The following NTM variants were observed in gnomAD, a reference collection of about 807,000 sequenced individuals.
The protein encoded by NTM is IgLON family member 2.
A neutral mutation model predicts 42.1 loss-of-function variants in NTM; 13 were observed. The ratio of observed to expected loss-of-function variants is 0.31; its 90% CI spans 0.20 to 0.49. The LOEUF is 0.49. NTM is among the 20% of genes least tolerant of loss of function. The pLI is 0.99. For missense variants in NTM, 373 were observed against 452.8 expected (o/e 0.82, Z 1.60); for synonymous variants, 187 against 179.2 (o/e 1.04, Z -0.35).
At chr11:131,747,839 C>T (rs758872943) in intron 1 of NTM, among the ~76,000 whole-genome samples, 3 of 152,180 alleles carry the variant, frequency 2.0e-5, no homozygotes, top group Non-Finnish European at 4.4e-5. Context: ...ATCCCCTCCC[C>T]GTGTTCCTTA....
At chr11:131,573,297 C>T (rs2057628104) in intron 1 of NTM, among the ~76,000 whole-genome samples, 1 of 142,570 alleles carries the variant, frequency 7.0e-6, no homozygotes, top group Non-Finnish European at 1.5e-5. Context: ...TGTCCCTAAG[C>T]CACAGTTTGC....
At chr11:132,116,286 A>T (rs2063880910) in intron 2 of NTM, among the ~76,000 whole-genome samples, 1 of 152,196 alleles carries the variant, frequency 6.6e-6, no homozygotes, top group Non-Finnish European at 1.5e-5. Flanking sequence ...GGGCCAGGCC[A>T]ATCCAGCAAG....
At chr11:132,325,398 C>CA (rs1432015755) in intron 7 of NTM, among the ~76,000 whole-genome samples, 1 of 152,092 alleles carries the variant, frequency 6.6e-6, no homozygotes, top group Non-Finnish European at 1.5e-5. Flanking sequence ...TTTATGCAGC[C>CA]AAAAAACACA....
intron 4 of NTM, among the ~76,000 whole-genome samples, chr11:132,306,655 T>C (rs543758579): frequency 4.7e-4 from 72 of 152,336 alleles, no homozygotes; most frequent in African/African-American, 1.7e-3. Flanking sequence ...ATGCCTGTTG[T>C]CTGCTAATAA....
At chr11:131,603,944 C>T (rs1020371312) in intron 1 of NTM, among the ~76,000 whole-genome samples, 3 of 151,912 alleles carry the variant, frequency 2.0e-5, no homozygotes, top group African/African-American at 7.3e-5. Flanking sequence ...ATTTAATAGA[C>T]ATGTGGATTG....
At chr11:131,638,333 G>A (rs1344197940) in intron 1 of NTM, among the ~76,000 whole-genome samples, 8 of 152,006 alleles carry the variant, frequency 5.3e-5, no homozygotes, top group African/African-American at 1.2e-4. Context: ...TTGGGAGGCC[G>A]AGACGGGCAG....
intron 7 of NTM, among the ~76,000 whole-genome samples, chr11:132,315,465 C>T (rs539902173): frequency 9.9e-5 from 15 of 152,262 alleles, no homozygotes; most frequent in African/African-American, 3.4e-4. Context: ...GATTAAATTC[C>T]GGTTGTGTTT....
At chr11:132,115,222 C>T (rs948898667) in intron 2 of NTM, among the ~76,000 whole-genome samples, 3 of 152,004 alleles carry the variant, frequency 2.0e-5, no homozygotes, top group Non-Finnish European at 4.4e-5. Context: ...GGAGATCTAA[C>T]GAACAGCTTG....
At chr11:132,112,855 A>G (rs2063406613) in intron 2 of NTM, among the ~76,000 whole-genome samples, 1 of 151,546 alleles carries the variant, frequency 6.6e-6, no homozygotes, top group African/African-American at 2.4e-5. Context: ...AACAACACCA[A>G]CTCTGTTTTC....
intron 3 of NTM, among the ~76,000 whole-genome samples, chr11:132,158,967 G>T (rs969711313): frequency 1.3e-5 from 2 of 152,218 alleles, no homozygotes; most frequent in Non-Finnish European, 2.9e-5. Context: ...GAGAGGGCCA[G>T]ATCTCTGCCA....
In NTM at chr11:131,385,665, C is replaced by T. The variant is rs1297458231; in HGVS notation, c.82+14777C>T. Among the ~76,000 whole-genome samples, 4 of 151,994 alleles carry T rather than the reference C, an allele frequency of 2.6e-5. No individual in the cohort carries two copies. The East Asian group carries it at 7.7e-4, about 29-fold the overall frequency. ...CCCAAGAGTTCATGACCAGCCTGGG[C>T]AATACAGAAAAATCTCATCTCTACA... is the stretch of plus-strand genomic sequence containing the variant. On this transcript the variant is annotated intron_variant, in intron 1 of 8. Coordinates refer to ENST00000683400, the MANE Select transcript of NTM (RefSeq NM_001352005.2).
intron 1 of NTM, among the ~76,000 whole-genome samples, chr11:131,800,758 C>G (rs1477325884): frequency 6.6e-6 from 1 of 152,186 alleles, no homozygotes; most frequent in Non-Finnish European, 1.5e-5. Flanking sequence ...GCACATCAAA[C>G]AGCAATTTTC....
intron 2 of NTM, among the ~76,000 whole-genome samples, chr11:131,987,794 A>C (rs561845919): frequency 6.6e-6 from 1 of 152,364 alleles, no homozygotes; most frequent in African/African-American, 2.4e-5. Context: ...GGCTTTCTTC[A>C]TTTGAACAGT....
At chr11:132,316,506 C>T (rs981160883) in intron 7 of NTM, among the ~76,000 whole-genome samples, 6 of 152,144 alleles carry the variant, frequency 3.9e-5, no homozygotes, top group South Asian at 2.1e-4. Flanking sequence ...AGTATGTATT[C>T]AAATATGTTT....
intron 1 of NTM, among the ~76,000 whole-genome samples, chr11:131,883,576 T>A (rs751568244): frequency 5.3e-5 from 8 of 152,148 alleles, no homozygotes; most frequent in Non-Finnish European, 8.8e-5. Context: ...GAGGAGTGAT[T>A]TTCTTTTTGC....
At chr11:131,520,041 C>T (rs372414237) in intron 1 of NTM, among the ~76,000 whole-genome samples, 3 of 151,386 alleles carry the variant, frequency 2.0e-5, no homozygotes, top group African/African-American at 7.3e-5. Context: ...GGAGGCTGCA[C>T]CTTTAGTTTT....
chr11:131,721,390 GT>G (rs1555100055), intron 1 of NTM, among the ~76,000 whole-genome samples: 1 of 152,118 alleles, frequency 6.6e-6, no homozygotes, highest in Non-Finnish European at 1.5e-5. Context: ...CAGAGTCTCA[GT>G]TTTTTCATCT....
At chr11:131,802,444 A>G (rs2092197464) in intron 1 of NTM, among the ~76,000 whole-genome samples, 1 of 152,096 alleles carries the variant, frequency 6.6e-6, no homozygotes, top group South Asian at 2.1e-4. Context: ...TGCACCCACC[A>G]CGCTTGGGCT....
chr11:131,505,726 C>T (rs71483673), intron 1 of NTM, among the ~76,000 whole-genome samples: 1 of 152,188 alleles, frequency 6.6e-6, no homozygotes, highest in Non-Finnish European at 1.5e-5. Context: ...GGCCACTCAG[C>T]AGGTTCGGAG....
Sources: allele counts gnomAD v4.1 joint callset (sites outside exome capture counted in the v4.1 genomes callset), GRCh38; gene constraint gnomAD v4.1.1; transcripts MANE v1.5; gene names NCBI Gene and HGNC (gene_info 2026-07-23, HGNC 2026-07-21).